The following SRCIN1 variants were observed in gnomAD, a reference collection of about 807,000 sequenced individuals.
SRCIN1 encodes the protein P130Cas-associated protein.
In SRCIN1, 50 loss-of-function variants were observed where a neutral mutation model predicts 116.2. That is an observed-to-expected ratio of 0.43 (90% CI 0.34 to 0.54). The LOEUF (loss-of-function observed/expected upper bound fraction) is 0.54, where lower values mean the gene tolerates loss of function less well. Ranked by LOEUF, SRCIN1 falls within the 20% of genes least tolerant of loss-of-function variation. The probability of loss-of-function intolerance (pLI) is 0.02; values close to 1 mark genes in which losing one functional copy is unlikely to be tolerated. For synonymous variants in SRCIN1, 736 were observed against 750.0 expected, an observed-to-expected ratio of 0.98 and a Z score of 0.30; for missense variants, 1,446 against 1,672.0, an observed-to-expected ratio of 0.86 and a Z score of 2.36.
At chr17:38,561,377 A>G in intron 7 of SRCIN1, 86 bp downstream of exon 7, 2 of 1,391,050 alleles carry the variant, frequency 1.4e-6, no homozygotes, top group Non-Finnish European at 1.9e-6. Context: ...AGTCCAGGAC[A>G]CACACCTGCC....
Position 38,568,290 on chromosome 17 carries a change from G to C in SRCIN1, c.325-59C>G. Reference sequence around the variant, plus strand: ...AGGGGGCCCAGGAGGGGAAAAGAGGGGCAGGGGCAGGTTAGAGACCCTTGG... The same window carrying C: ...AGGGGGCCCAGGAGGGGAAAAGAGGCGCAGGGGCAGGTTAGAGACCCTTGG... On this transcript the variant is annotated intron_variant, in intron 2 of 18. Coordinates refer to ENST00000617146, the MANE Select transcript of SRCIN1 (RefSeq NM_025248.3). This position sits in a 1 kb window ranked among gnomAD's most constrained non-coding sequence, Gnocchi z 4.5. The C allele has an allele frequency of 4.1e-5, 63 of 1,522,984 alleles. No homozygotes were observed. Among genetic ancestry groups the C allele is most frequent in the Non-Finnish European group, 5.0e-5 (55 of 1,104,164 alleles). 94.3% of individuals were successfully genotyped at this position (1,522,984 alleles called of 1,614,324 possible).
At chr17:38,533,809 AG>A (rs1271110894) in intron 18 of SRCIN1, among the ~76,000 whole-genome samples, 7 of 131,140 alleles carry the variant, frequency 5.3e-5, no homozygotes, top group South Asian at 2.5e-4. Context: ...TAGCTGGGAC[AG>A]GGGCACAAGC....
In SRCIN1 at chr17:38,563,558, C is replaced by T; in HGVS notation, c.542-37G>A. 1 of 1,540,492 alleles carries T rather than the reference C, an allele frequency of 6.5e-7. No individual in the cohort carries two copies. Among genetic ancestry groups the T allele is most frequent in the East Asian group, 2.4e-5 (1 of 40,904 alleles). On this transcript the variant is annotated intron_variant, in intron 4 of 18. Transcript: ENST00000617146. The surrounding 1 kb of genome is among the most constrained non-coding windows in gnomAD (Gnocchi z 5.8). The stretch of plus-strand genomic sequence containing the variant: ...ACGCCGCCCTCGCTGTCACTGCTGC[C>T]GTCTCCACGCCGCCCTCCAGGAGAG...
At chr17:38,559,446 G>T in intron 10 of SRCIN1, 139 bp downstream of exon 10, 1 of 851,126 alleles carries the variant, frequency 1.2e-6, no homozygotes, top group Non-Finnish European at 1.8e-6. Flanking sequence ...TTCGGAGAGA[G>T]GCCAGTGAGC....
At position 38,530,723 on chromosome 17, in the gene SRCIN1, CAA is replaced by C. The variant is rs1282456501; in HGVS notation, c.*2572_*2573del. ...TATCCACATGTACGTGGCCCACACA[CAA>C]GTCTCTGGCTCTCGGCATGTCTGCA... On this transcript the variant is annotated 3_prime_UTR_variant, in exon 19 of 19. Transcript: ENST00000617146. 6.6e-6 allele frequency: 1 copy of C among 152,326 alleles called. No individual in the cohort carries two copies. The highest frequency in any genetic ancestry group is 2.4e-5 in the African/African-American group (1 of 41,458). 9.4% of individuals were successfully genotyped at this position (152,326 alleles called of 1,614,324 possible). A position where few individuals can be genotyped will look rare whatever the true frequency, so the allele number is the denominator to read the frequency against.
chr17:38,546,252 C>G (rs904351381), intron 17 of SRCIN1, among the ~76,000 whole-genome samples: 1 of 152,234 alleles, frequency 6.6e-6, no homozygotes, highest in Non-Finnish European at 1.5e-5. Flanking sequence ...GACTGCTGCT[C>G]TCACCAGGGC....
At chr17:38,603,594 A>G (rs985752162) in intron 1 of SRCIN1, among the ~76,000 whole-genome samples, 1 of 152,142 alleles carries the variant, frequency 6.6e-6, no homozygotes, top group Non-Finnish European at 1.5e-5. Flanking sequence ...CATCGTGGAA[A>G]GGGCAGAAGA....
intron 9 of SRCIN1, 128 bp from the exon 10 acceptor site, chr17:38,559,900 C>T: frequency 1.5e-6 from 2 of 1,373,366 alleles, no homozygotes; most frequent in South Asian, 1.3e-5. Flanking sequence ...CTCTACCTGC[C>T]CCAAGTGGTC....
At chr17:38,570,874 C>T (rs935352047) in intron 2 of SRCIN1, among the ~76,000 whole-genome samples, 5 of 152,214 alleles carry the variant, frequency 3.3e-5, no homozygotes, top group African/African-American at 7.2e-5. Context: ...AGAGGGGCTG[C>T]GCTTGTGCCG....
At chr17:38,589,205 C>G (rs1384858754) in intron 1 of SRCIN1, among the ~76,000 whole-genome samples, 1 of 152,202 alleles carries the variant, frequency 6.6e-6, no homozygotes, top group South Asian at 2.1e-4. Context: ...CGTGAGCCAC[C>G]GTGCCCAGCC....
intron 3 of SRCIN1, among the ~76,000 whole-genome samples, chr17:38,567,181 A>C (rs188236473): frequency 5.4e-4 from 82 of 152,362 alleles, no homozygotes; most frequent in South Asian, 3.5e-3. Context: ...CTGGGATTAC[A>C]GGCGTGAGCC....
Position 38,560,092 on chromosome 17 carries a change from T to C in SRCIN1, c.1799A>G (p.Lys600Arg), listed in dbSNP as rs374711541. 68 of 1,552,122 alleles carry C rather than the reference T, an allele frequency of 4.4e-5. No homozygotes were observed. The highest frequency in any genetic ancestry group is 5.2e-5 in the Non-Finnish European group (60 of 1,147,840). Residue 600 changes from lysine (K) to arginine (R), a missense_variant, in exon 9 of 19, where the codon AAG becomes AGG. By Grantham distance (26) the Lys-to-Arg change is conservative. Coordinates refer to ENST00000617146, the MANE Select transcript of SRCIN1 (RefSeq NM_025248.3). ...GGCTGCTCCATTGGAGCCTTCAATC[T>C]TCTCGCTGTGGCACAGGGAAAAAAG... is the stretch of plus-strand genomic sequence containing the variant. ...RGSEPETPSE[K>R]IEGSNGAATP...
intron 1 of SRCIN1, among the ~76,000 whole-genome samples, chr17:38,593,171 G>A (rs771245995): frequency 5.9e-5 from 9 of 152,162 alleles, no homozygotes; most frequent in Non-Finnish European, 1.2e-4. Flanking sequence ...GTTGGGGAAG[G>A]GCATTTCAGG....
rs753235806 is a variant in SRCIN1, at chr17:38,564,240, G to T, written c.419C>A (p.Ser140Tyr). 1 of 1,578,318 alleles carries T rather than the reference G, an allele frequency of 6.3e-7. No individual in the cohort carries two copies. The highest frequency in any genetic ancestry group is 1.2e-5 in the South Asian group (1 of 86,064). ...ADQAAKLSYA[S>Y]AESLETMSEA... ...CGACATGGTCTCCAGCGACTCGGCG[G>T]AGGCGTAGGACAGCTTTGCCGCCTG... Residue 140 changes from serine (S) to tyrosine (Y), a missense_variant, in exon 4 of 19, where the codon TCC (serine) becomes TAC (tyrosine). By Grantham distance (144) the Ser-to-Tyr change is moderately radical. Coordinates refer to ENST00000617146, the MANE Select transcript of SRCIN1 (RefSeq NM_025248.3).
rs757490062 is a variant in SRCIN1 at position 38,564,151 on chromosome 17, G to C, written c.508C>G (p.Arg170Gly). 10 of 1,600,238 alleles carry C rather than the reference G, an allele frequency of 6.2e-6. No homozygotes were observed. Among genetic ancestry groups the C allele is most frequent in the African/African-American group, 1.3e-5 (1 of 74,690 alleles). ...CGCAGCTTGGTCTGGCTGGCCGAGC[G>C]GGAGAGAGGCAGGCTCTGTCGGAAG... ...NRFRQSLPLS[R>G]SASQTKLRSP... The change falls in exon 4 of 19, where the codon CGC becomes GGC. Residue 170 changes from arginine to glycine, a missense_variant. Around this residue, in one of 5 missense-constraint regions of SRCIN1, gnomAD observed 246 missense variants for 265.1 expected, o/e 0.93. Transcript: ENST00000617146.
intron 7 of SRCIN1, among the ~76,000 whole-genome samples, chr17:38,561,123 T>C (rs1906207332): frequency 6.6e-6 from 1 of 152,190 alleles, no homozygotes; most frequent in South Asian, 2.1e-4. Context: ...ACTCTTAAGC[T>C]GGAAAGCCAC....
intron 1 of SRCIN1, among the ~76,000 whole-genome samples, chr17:38,603,730 G>T (rs1909196491): frequency 6.6e-6 from 1 of 152,034 alleles, no homozygotes; most frequent in African/African-American, 2.4e-5. Flanking sequence ...GTCTGGGTGG[G>T]GACAGCGGGG....
chr17:38,579,683 A>C (rs762661591), intron 1 of SRCIN1, among the ~76,000 whole-genome samples: 6 of 152,120 alleles, frequency 3.9e-5, no homozygotes, highest in Non-Finnish European at 8.8e-5. Context: ...CAGAAGCAAA[A>C]GAAAGAGAAG....
chr17:38,552,316 A>C lies in SRCIN1; in HGVS notation c.2480+131T>G. The C allele has an allele frequency of 1.4e-6, 2 of 1,425,534 alleles. No individual in the cohort carries two copies. Among genetic ancestry groups the C allele is most frequent in the Non-Finnish European group, 1.9e-6 (2 of 1,070,766 alleles). 88.3% of individuals were successfully genotyped at this position (1,425,534 alleles called of 1,614,324 possible). On this transcript the variant is annotated intron_variant, in intron 13 of 18. Coordinates refer to ENST00000617146, the MANE Select transcript of SRCIN1 (RefSeq NM_025248.3). This position sits in a 1 kb window ranked among gnomAD's most constrained non-coding sequence, Gnocchi z 5.3. ...CTACAGCATGCAGGGGTCACAGGGCAGAGCTGAGGTGCCAGTCCAGTCGGC... is the reference window on the plus strand; with the variant it reads ...CTACAGCATGCAGGGGTCACAGGGCCGAGCTGAGGTGCCAGTCCAGTCGGC...
Sources: allele counts gnomAD v4.1 joint callset (sites outside exome capture counted in the v4.1 genomes callset), GRCh38; gene constraint gnomAD v4.1.1; regional missense constraint gnomAD v4.1.1; non-coding constraint Gnocchi (gnomAD v3.1); transcripts MANE v1.5; gene names NCBI Gene and HGNC (gene_info 2026-07-23, HGNC 2026-07-21).